HECW2: variants seen among roughly 807,000 people sequenced by gnomAD.
The protein encoded by HECW2 is E3 ubiquitin-protein ligase HECW2.
Under a neutral mutation model 175.2 loss-of-function variants are expected in HECW2, and 61 were observed. That is an observed-to-expected ratio of 0.35 (90% CI 0.28 to 0.43). The LOEUF is 0.43. Among genes scored for constraint, HECW2 ranks in the 20% least tolerant of loss-of-function variants. The pLI is 1.00. For synonymous variants in HECW2, 671 were observed against 731.0 expected (o/e 0.92, Z 1.32); for missense variants, 1,524 against 2,000.5 (o/e 0.76, Z 4.54).
intron 2 of HECW2, among the ~76,000 whole-genome samples, chr2:196,371,523 G>C (rs538895191): frequency 6.6e-6 from 1 of 152,282 alleles, no homozygotes; most frequent in South Asian, 2.1e-4. Flanking sequence ...TCCATGAATT[G>C]GTTGTTTATA....
chr2:196,228,155 T>A lies in HECW2; in HGVS notation c.3864A>T (p.Thr1288=), dbSNP rs61752160. The change falls in exon 22 of 29, where the codon ACA becomes ACT. Residue 1288 remains threonine (T), a synonymous_variant. Transcript: ENST00000644978. The part of the protein sequence containing the change: ...YGLFEYSAND[T]YTVQISPMSA... ...ACATAGGACTTATTTGTACTGTGTA[T>A]GTGTCATTGGCTGAATATTCAAATA... The A allele has an allele frequency of 6.8e-6, 11 of 1,613,532 alleles. No individual in the cohort carries two copies. Among genetic ancestry groups the A allele is most frequent in the Admixed American group, 1.7e-5 (1 of 59,976 alleles).
At position 196,199,286 on chromosome 2, in the gene HECW2, A is replaced by G. The variant is rs1168966021; in HGVS notation, c.*1991T>C. On this transcript the variant is annotated 3_prime_UTR_variant, in exon 29 of 29. Transcript: ENST00000644978. ...AAATATATACTTGTATTCATGATCA[A>G]TAAGTACAAACTAACATTTCCAGTT... The G allele has an allele frequency of 1.3e-5, 2 of 152,644 alleles. No homozygotes were observed. The highest frequency in any genetic ancestry group is 6.5e-5 in the Admixed American group (1 of 15,274). The allele number at this position is 152,644 out of a possible 1,614,324, so 9.5% of individuals were successfully genotyped here.
At chr2:196,525,190 A>G (rs377428576) in intron 1 of HECW2, among the ~76,000 whole-genome samples, 26 of 143,014 alleles carry the variant, frequency 1.8e-4, no homozygotes, top group African/African-American at 5.6e-4. Flanking sequence ...ATTTAGGATA[A>G]TTAGCTCTTC....
At position 196,306,422 on chromosome 2, in the gene HECW2, C is replaced by G. The variant is rs1333700184; in HGVS notation, c.2814+66G>C. 3 of 1,481,194 alleles carry G rather than the reference C, an allele frequency of 2.0e-6. No individual in the cohort carries two copies. The African/African-American group carries it at 4.2e-5, about 21-fold the overall frequency. The allele number at this position is 1,481,194 out of a possible 1,614,324, so 91.8% of individuals were successfully genotyped here. On this transcript the variant is annotated intron_variant, in intron 13 of 28. Coordinates refer to ENST00000644978, the MANE Select transcript of HECW2 (RefSeq NM_001348768.2). ...GCCATTATCATTCCTGCTATTACTACAGAAACAACGATCATTTGCTTTGGC... is the reference window on the plus strand; with the variant it reads ...GCCATTATCATTCCTGCTATTACTAGAGAAACAACGATCATTTGCTTTGGC...
At chr2:196,533,077 T>C (rs2125454654) in intron 1 of HECW2, among the ~76,000 whole-genome samples, 1 of 152,334 alleles carries the variant, frequency 6.6e-6, no homozygotes, top group East Asian at 1.9e-4. Flanking sequence ...CTTACTATTC[T>C]TACCTTAAAT....
chr2:196,338,628 C>T (rs1048643062), intron 3 of HECW2, among the ~76,000 whole-genome samples: 3 of 152,198 alleles, frequency 2.0e-5, no homozygotes, highest in Non-Finnish European at 2.9e-5. Context: ...ACACGATTCA[C>T]TCAGGCAGTA....
intron 26 of HECW2, 152 bp from the exon 27 acceptor site, chr2:196,217,245 A>G (rs1395280147): frequency 2.1e-6 from 1 of 466,588 alleles, no homozygotes. Flanking sequence ...AACACTGTAT[A>G]TATGATCATA....
intron 2 of HECW2, among the ~76,000 whole-genome samples, chr2:196,381,083 C>T (rs1694194569): frequency 1.3e-5 from 2 of 152,168 alleles, no homozygotes; most frequent in African/African-American, 4.8e-5. Context: ...AAACCCCTGA[C>T]CTAAGCCCCG....
chr2:196,537,364 A>G (rs1343098454), intron 1 of HECW2, among the ~76,000 whole-genome samples: 2 of 152,134 alleles, frequency 1.3e-5, no homozygotes, highest in African/African-American at 4.8e-5. Context: ...TCCAAGAGGA[A>G]TTTAAACATC....
At chr2:196,365,631 C>G (rs919525746) in intron 2 of HECW2, among the ~76,000 whole-genome samples, 1 of 152,098 alleles carries the variant, frequency 6.6e-6, no homozygotes, top group Non-Finnish European at 1.5e-5. Flanking sequence ...AAAATATATA[C>G]AAAAGTGAGG....
At chr2:196,512,538 C>G (rs980909272) in intron 1 of HECW2, among the ~76,000 whole-genome samples, 1 of 151,950 alleles carries the variant, frequency 6.6e-6, no homozygotes, top group Non-Finnish European at 1.5e-5. Flanking sequence ...ACTACAGGCA[C>G]GTGCCACCAA....
chr2:196,527,528 A>G (rs1451684786), intron 1 of HECW2, among the ~76,000 whole-genome samples: 1 of 152,232 alleles, frequency 6.6e-6, no homozygotes, highest in Non-Finnish European at 1.5e-5. Context: ...TCCAGCCACT[A>G]TGAACAACAT....
chr2:196,571,700 CA>C (rs111632715), intron 1 of HECW2, among the ~76,000 whole-genome samples: 22 of 144,370 alleles, frequency 1.5e-4, no homozygotes, highest in Admixed American at 2.1e-4. Context: ...GATTCTGTCT[CA>C]AAAAAAAAAA....
chr2:196,264,334 G>A (rs1416157079), intron 17 of HECW2: 1 of 152,118 alleles, frequency 6.6e-6, no homozygotes, highest in Non-Finnish European at 1.5e-5. Flanking sequence ...GTTACTAAAG[G>A]AAAATGACAT....
intron 1 of HECW2, among the ~76,000 whole-genome samples, chr2:196,445,218 T>G (rs546340539): frequency 7.2e-5 from 11 of 152,354 alleles, no homozygotes; most frequent in African/African-American, 2.4e-4. Context: ...CTTACACAAA[T>G]AGTGTTTATT....
chr2:196,440,437 GATAGTAA>G (rs1356650149), intron 1 of HECW2, among the ~76,000 whole-genome samples: 3 of 151,974 alleles, frequency 2.0e-5, no homozygotes, highest in African/African-American at 7.3e-5. Flanking sequence ...TTCATGTTTT[GATAGTAA>G]ATAAGTACTG....
intron 28 of HECW2, among the ~76,000 whole-genome samples, chr2:196,204,606 G>A (rs1687000819): frequency 6.6e-6 from 1 of 152,222 alleles, no homozygotes; most frequent in South Asian, 2.1e-4. Context: ...GTGAGACCAT[G>A]AGCAGAAGAC....
At chr2:196,401,176 G>A (rs1302277818) in intron 2 of HECW2, among the ~76,000 whole-genome samples, 1 of 152,006 alleles carries the variant, frequency 6.6e-6, no homozygotes, top group Admixed American at 6.6e-5. Flanking sequence ...GATGTTTACT[G>A]CAGCACTATT....
At position 196,522,279 on chromosome 2, in the gene HECW2, T is replaced by C. The variant is rs538981831; in HGVS notation, c.-36+71229A>G. 9.2e-5 allele frequency among the ~76,000 whole-genome samples: 14 copies of C among 152,356 alleles called. No homozygotes were observed. The East Asian group carries it at 2.7e-3, about 29-fold the overall frequency. On this transcript the variant is annotated intron_variant, in intron 1 of 28. Coordinates refer to ENST00000644978, the MANE Select transcript of HECW2 (RefSeq NM_001348768.2). ...TGTGTTTTTTGGCTGCATAAATGTC[T>C]TCTTTTGAGAAGTGTCTGTTCATGT...
Sources: allele counts gnomAD v4.1 joint callset (sites outside exome capture counted in the v4.1 genomes callset), GRCh38; gene constraint gnomAD v4.1.1; transcripts MANE v1.5; gene names NCBI Gene and HGNC (gene_info 2026-07-23, HGNC 2026-07-21).